NRG3: variants seen among roughly 807,000 people sequenced by gnomAD.
NRG3 encodes the protein pro-neuregulin-3, membrane-bound isoform.
NRG3 carries 31 observed loss-of-function variants against 66.9 expected under a neutral mutation model. The ratio of observed to expected loss-of-function variants is 0.46; its 90% confidence interval spans 0.35 to 0.63. The LOEUF (loss-of-function observed/expected upper bound fraction) is 0.63. Among genes scored for constraint, NRG3 ranks in the 20% least tolerant of loss-of-function variants. NRG3 has a pLI of 0.00. For missense variants in NRG3, 910 were observed against 878.9 expected, an observed-to-expected ratio of 1.04 and a Z score of -0.45; for synonymous variants, 393 against 359.4, an observed-to-expected ratio of 1.09 and a Z score of -1.06.
chr10:82,899,649 A>G (rs1419984220), intron 4 of NRG3, among the ~76,000 whole-genome samples: 1 of 152,204 alleles, frequency 6.6e-6, no homozygotes, highest in Non-Finnish European at 1.5e-5. Context: ...TCGTTTAGGA[A>G]CTAGCATGGC....
At chr10:82,882,370 T>C (rs372585747) in intron 4 of NRG3, among the ~76,000 whole-genome samples, 85 of 152,220 alleles carry the variant, frequency 5.6e-4, no homozygotes, top group African/African-American at 2.0e-3. Context: ...TCTTCACATG[T>C]AGTTCCTTAA....
At chr10:82,255,009 A>T (rs1277831885) in intron 1 of NRG3, among the ~76,000 whole-genome samples, 1 of 152,200 alleles carries the variant, frequency 6.6e-6, no homozygotes, top group East Asian at 1.9e-4. Flanking sequence ...AGGAACAAGG[A>T]ATAACTAAAT....
intron 1 of NRG3, among the ~76,000 whole-genome samples, chr10:82,197,980 C>CA: frequency 6.6e-6 from 1 of 151,934 alleles, no homozygotes; most frequent in Non-Finnish European, 1.5e-5. Context: ...ATAGTCTTAT[C>CA]AAAAAAGAGA....
At chr10:82,744,015 G>C (rs973474958) in intron 3 of NRG3, among the ~76,000 whole-genome samples, 1 of 152,134 alleles carries the variant, frequency 6.6e-6, no homozygotes. Context: ...GCAAAGCACA[G>C]TTTATTTGGA....
intron 2 of NRG3, among the ~76,000 whole-genome samples, chr10:82,559,053 A>C (rs1278965086): frequency 1.3e-5 from 2 of 152,218 alleles, no homozygotes; most frequent in Middle Eastern, 3.2e-3. Context: ...TTGTTTGTGC[A>C]TATGCATATT....
chr10:82,844,289 G>A (rs550984861), intron 3 of NRG3, among the ~76,000 whole-genome samples: 2 of 152,254 alleles, frequency 1.3e-5, no homozygotes, highest in East Asian at 3.9e-4. Flanking sequence ...TCTGTATTTA[G>A]TCCTTATTGA....
At chr10:82,929,875 C>CA (rs560959914) in intron 4 of NRG3, among the ~76,000 whole-genome samples, 2,585 of 79,154 alleles carry the variant, frequency 0.033, 96 homozygotes, top group African/African-American at 0.092. Flanking sequence ...GACTCCATCT[C>CA]AAAAAAAAAA....
intron 3 of NRG3, among the ~76,000 whole-genome samples, chr10:82,782,343 C>T (rs2060150953): frequency 6.6e-6 from 1 of 152,136 alleles, no homozygotes; most frequent in Non-Finnish European, 1.5e-5. Context: ...TCTCACCCTT[C>T]AACCTTTTGC....
intron 2 of NRG3, among the ~76,000 whole-genome samples, chr10:82,726,499 C>T (rs2057608791): frequency 6.6e-6 from 1 of 152,116 alleles, no homozygotes; most frequent in African/African-American, 2.4e-5. Flanking sequence ...TTGCCCTGCC[C>T]TGCACAAGCT....
chr10:82,505,781 A>C (rs1844611741), intron 2 of NRG3, among the ~76,000 whole-genome samples: 1 of 152,240 alleles, frequency 6.6e-6, no homozygotes, highest in Non-Finnish European at 1.5e-5. Flanking sequence ...CACTTTGAAG[A>C]ACCCCTGAAG....
intron 1 of NRG3, among the ~76,000 whole-genome samples, chr10:82,328,806 G>A (rs1239352657): frequency 6.6e-6 from 1 of 152,160 alleles, no homozygotes; most frequent in Admixed American, 6.5e-5. Context: ...CCATGCCAGA[G>A]GGGAAGATGT....
At chr10:82,621,155 T>G (rs2049013098) in intron 2 of NRG3, among the ~76,000 whole-genome samples, 1 of 152,196 alleles carries the variant, frequency 6.6e-6, no homozygotes, top group Non-Finnish European at 1.5e-5. Flanking sequence ...AGTTGGAGTC[T>G]TGAAGGTTTG....
chr10:82,719,973 T>G (rs1253186440), intron 2 of NRG3, among the ~76,000 whole-genome samples: 1 of 152,202 alleles, frequency 6.6e-6, no homozygotes, highest in Non-Finnish European at 1.5e-5. Flanking sequence ...TAATTTTCCT[T>G]TAGACATTTT....
At chr10:82,199,877 T>C (rs2074685829) in intron 1 of NRG3, among the ~76,000 whole-genome samples, 1 of 107,878 alleles carries the variant, frequency 9.3e-6, no homozygotes, top group African/African-American at 3.6e-5. Flanking sequence ...AGTGTGCATG[T>C]GTGTGTGTGT....
chr10:82,089,774 G>A (rs912270092), intron 1 of NRG3, among the ~76,000 whole-genome samples: 1 of 152,206 alleles, frequency 6.6e-6, no homozygotes, highest in Non-Finnish European at 1.5e-5. Context: ...TTGAAGATGT[G>A]TAGATTTAAA....
intron 4 of NRG3, among the ~76,000 whole-genome samples, chr10:82,937,800 T>C (rs1448137912): frequency 1.3e-5 from 2 of 152,190 alleles, no homozygotes; most frequent in Admixed American, 1.3e-4. Context: ...TTTGGGCATA[T>C]TGTTAGGTTA....
intron 2 of NRG3, among the ~76,000 whole-genome samples, chr10:82,446,581 A>G (rs1026684253): frequency 3.3e-5 from 5 of 152,174 alleles, no homozygotes; most frequent in African/African-American, 1.2e-4. Flanking sequence ...TGGGAGCTGA[A>G]CGATGCGAAC....
chr10:82,646,265 T>C (rs2050924528), intron 2 of NRG3, among the ~76,000 whole-genome samples: 1 of 152,120 alleles, frequency 6.6e-6, no homozygotes, highest in Non-Finnish European at 1.5e-5. Context: ...CACAAGTTTA[T>C]GGGAGTAATG....
intron 1 of NRG3, among the ~76,000 whole-genome samples, chr10:82,058,795 A>G (rs1008040036): frequency 5.3e-5 from 8 of 152,150 alleles, no homozygotes; most frequent in Admixed American, 4.6e-4. Flanking sequence ...TCTAGGCACT[A>G]CAGACAACTG....
Sources: allele counts gnomAD v4.1 joint callset (sites outside exome capture counted in the v4.1 genomes callset), GRCh38; gene constraint gnomAD v4.1.1; transcripts MANE v1.5; gene names NCBI Gene and HGNC (gene_info 2026-07-23, HGNC 2026-07-21).